LARP1: variants seen among roughly 807,000 people sequenced by gnomAD.
LARP1 encodes La ribonucleoprotein 1, translational regulator, also known as la-related protein 1.
A neutral mutation model predicts 122.7 loss-of-function variants in LARP1; 36 were observed. That is an observed-to-expected ratio of 0.29 (90% CI 0.22 to 0.39). The LOEUF (loss-of-function observed/expected upper bound fraction) is 0.39. Ranked by LOEUF, LARP1 falls within the 10% of genes least tolerant of loss-of-function variation. The pLI, the probability that LARP1 is intolerant of heterozygous loss-of-function variation, is 1.00. For missense variants in LARP1, 1,040 were observed against 1,403.6 expected, an observed-to-expected ratio of 0.74 and a Z score of 4.14; for synonymous variants, 539 against 528.7, an observed-to-expected ratio of 1.02 and a Z score of -0.27.
chr5:154,690,679 G>A (rs1442571861), intron 1 of LARP1, among the ~76,000 whole-genome samples: 1 of 152,152 alleles, frequency 6.6e-6, no homozygotes, highest in Non-Finnish European at 1.5e-5. Flanking sequence ...CCCCAGCTGC[G>A]GAGAGCAGGG....
intron 1 of LARP1, among the ~76,000 whole-genome samples, 153 bp from the exon 2 acceptor site, chr5:154,790,172 T>A (rs1274621064): frequency 6.6e-6 from 1 of 152,244 alleles, no homozygotes; most frequent in Admixed American, 6.5e-5. Context: ...TATTGGTGTT[T>A]GAGCACGTGT....
At chr5:154,795,004 A>T (rs1757633441) in intron 7 of LARP1, among the ~76,000 whole-genome samples, 171 bp from the exon 8 acceptor site, 1 of 152,192 alleles carries the variant, frequency 6.6e-6, no homozygotes, top group African/African-American at 2.4e-5. Context: ...GGTGTCATGA[A>T]GGGATCACAT....
chr5:154,758,998 C>G (rs1316972794), intron 1 of LARP1, among the ~76,000 whole-genome samples: 1 of 152,108 alleles, frequency 6.6e-6, no homozygotes, highest in African/African-American at 2.4e-5. Context: ...TAGCCATACC[C>G]CTTTTAAGTA....
upstream of LARP1, among the ~76,000 whole-genome samples, chr5:154,754,853 C>A (rs1317893348): frequency 3.3e-5 from 5 of 152,062 alleles, no homozygotes; most frequent in African/African-American, 1.2e-4. Flanking sequence ...GGCGCGTCCT[C>A]GGGGCGGATG....
chr5:154,770,575 A>T (rs953153212), intron 1 of LARP1, among the ~76,000 whole-genome samples: 2 of 152,124 alleles, frequency 1.3e-5, no homozygotes, highest in Non-Finnish European at 2.9e-5. Flanking sequence ...AGGCAAGGGC[A>T]TGGTTGGGAG....
Position 154,723,505 on chromosome 5 carries a change from G to A in LARP1, c.205+10375G>A, listed in dbSNP as rs181177622. 7.0e-4 allele frequency among the ~76,000 whole-genome samples: 107 copies of A among 152,306 alleles called. No individual in the cohort carries two copies. In the Middle Eastern group the frequency reaches 0.014, roughly 19 times the overall value. On this transcript the variant is annotated intron_variant, in intron 1 of 18. Transcript: ENST00000336314. The stretch of plus-strand genomic sequence containing the variant: ...CCCTAAAACATGAGTTATTTTAGGG[G>A]TGGTATAGGCAAAGGTGGAGAAAGG...
chr5:154,723,212 G>A (rs1376697632), intron 1 of LARP1, among the ~76,000 whole-genome samples: 1 of 152,180 alleles, frequency 6.6e-6, no homozygotes, highest in Admixed American at 6.5e-5. Context: ...TGTCACTGCT[G>A]GGATTTGCAA....
At chr5:154,712,420 C>G (rs1194603469), upstream of LARP1, among the ~76,000 whole-genome samples, 1 of 152,178 alleles carries the variant, frequency 6.6e-6, no homozygotes, top group Admixed American at 6.5e-5. Context: ...CTCTGTCGAC[C>G]TTCCTTGCAA....
At chr5:154,784,171 C>T (rs757736061) in intron 1 of LARP1, among the ~76,000 whole-genome samples, 8 of 152,258 alleles carry the variant, frequency 5.3e-5, no homozygotes, top group Admixed American at 1.3e-4. Context: ...GGTGTGAAGT[C>T]GCTATTCATT....
At chr5:154,788,913 G>A (rs544732496) in intron 1 of LARP1, among the ~76,000 whole-genome samples, 1 of 152,262 alleles carries the variant, frequency 6.6e-6, no homozygotes, top group South Asian at 2.1e-4. Flanking sequence ...TTACAAGAAG[G>A]ATTTTTAAAA....
At chr5:154,753,363 T>A (rs1194974263), upstream of LARP1, among the ~76,000 whole-genome samples, 1 of 152,064 alleles carries the variant, frequency 6.6e-6, no homozygotes, top group African/African-American at 2.4e-5. Flanking sequence ...GGAGGATGGC[T>A]TGAGCCCAGG....
At chr5:154,739,923 G>A (rs1757128798) in intron 1 of LARP1, among the ~76,000 whole-genome samples, 1 of 151,978 alleles carries the variant, frequency 6.6e-6, no homozygotes, top group African/African-American at 2.4e-5. Context: ...AGCAAGCAAG[G>A]TGTGGTGGCT....
chr5:154,743,528 C>G (rs1298572659), intron 1 of LARP1, among the ~76,000 whole-genome samples: 1 of 151,920 alleles, frequency 6.6e-6, no homozygotes, highest in Non-Finnish European at 1.5e-5. Context: ...AGGCTGGTCT[C>G]GAACTCCTGA....
At chr5:154,804,481 A>G (rs1048359359) in intron 14 of LARP1, among the ~76,000 whole-genome samples, 174 bp downstream of exon 14, 3 of 152,192 alleles carry the variant, frequency 2.0e-5, no homozygotes, top group African/African-American at 7.2e-5. Flanking sequence ...AATGACGGGT[A>G]GGCTTTTTTC....
intron 14 of LARP1, chr5:154,805,146 T>C (rs1175950687): frequency 3.0e-6 from 1 of 337,196 alleles, no homozygotes; most frequent in Non-Finnish European, 5.8e-6. Flanking sequence ...GGGGCCTACT[T>C]GGTGGGGAGA....
At chr5:154,780,425 G>C (rs1046193940) in intron 1 of LARP1, among the ~76,000 whole-genome samples, 2 of 152,174 alleles carry the variant, frequency 1.3e-5, no homozygotes, top group African/African-American at 4.8e-5. Flanking sequence ...TGACACTTTG[G>C]GTCCCTAAGG....
intron 18 of LARP1, among the ~76,000 whole-genome samples, chr5:154,812,318 TCTCA>T (rs1280363411): frequency 6.6e-6 from 1 of 152,182 alleles, no homozygotes. Context: ...ATTAGTCTCT[TCTCA>T]CTCTGCTAAT....
At chr5:154,704,329 G>A (rs990775416) in intron 1 of LARP1, among the ~76,000 whole-genome samples, 5 of 152,198 alleles carry the variant, frequency 3.3e-5, no homozygotes. Flanking sequence ...TAGGGACAGT[G>A]TTAGGTGGTG....
intron 1 of LARP1, among the ~76,000 whole-genome samples, chr5:154,702,251 T>A (rs936625260): frequency 1.3e-5 from 2 of 152,092 alleles, no homozygotes; most frequent in Non-Finnish European, 2.9e-5. Context: ...ATCACTAGAG[T>A]TCTGCCCTAA....
Sources: gnomAD v4.1 joint callset for allele counts (sites outside exome capture counted in the v4.1 genomes callset) on GRCh38, gnomAD v4.1.1 for gene constraint, MANE v1.5 for transcripts, NCBI Gene and HGNC (gene_info 2026-07-23, HGNC 2026-07-21) for gene names.